ARB2A: variants seen among roughly 807,000 people sequenced by gnomAD.
ARB2A encodes ARB2 cotranscriptional regulator A, also known as cotranscriptional regulator ARB2A.
At chr5:94,025,198 G>A in the ARB2A span, among the ~76,000 whole-genome samples, 1 of 152,178 alleles carries the variant, frequency 6.6e-6, no homozygotes, top group Non-Finnish European at 1.5e-5. Context: ...CAAAATACCA[G>A]GTACACAGGG....
the ARB2A span, among the ~76,000 whole-genome samples, chr5:94,047,492 C>CAA: frequency 2.1e-4 from 17 of 81,114 alleles, no homozygotes; most frequent in Admixed American, 3.6e-4. Flanking sequence ...GACTCCATCT[C>CAA]AAAAAAAAAA....
At chr5:93,729,444 G>A in the ARB2A span, among the ~76,000 whole-genome samples, 4 of 152,196 alleles carry the variant, frequency 2.6e-5, no homozygotes, top group South Asian at 2.1e-4. Context: ...AGAGCCTGGC[G>A]GAAAATCAGG....
At chr5:93,795,848 C>CA in the ARB2A span, among the ~76,000 whole-genome samples, 4,497 of 96,882 alleles carry the variant, frequency 0.046, 134 homozygotes, top group East Asian at 0.19. Flanking sequence ...TATTGAAAAG[C>CA]AAAAAAAAAA....
chr5:94,041,187 G>T, the ARB2A span, among the ~76,000 whole-genome samples: 2 of 151,450 alleles, frequency 1.3e-5, no homozygotes, highest in African/African-American at 2.4e-5. Context: ...TGGGAAAAAG[G>T]ATTCATGAGG....
chr5:93,796,417 C>A, the ARB2A span, among the ~76,000 whole-genome samples: 41 of 152,206 alleles, frequency 2.7e-4, no homozygotes, highest in African/African-American at 9.6e-4. Context: ...TCAATAAAAA[C>A]CATTTAAATG....
At chr5:94,028,425 T>G in the ARB2A span, among the ~76,000 whole-genome samples, 16 of 152,260 alleles carry the variant, frequency 1.1e-4, no homozygotes, top group Admixed American at 1.0e-3. Context: ...TGGAATAAAC[T>G]ATTTAGAGAC....
chr5:93,805,761 G>T, the ARB2A span: 292 of 984,988 alleles, frequency 3.0e-4, no homozygotes, highest in Non-Finnish European at 3.4e-4. Context: ...GTTGCTCATG[G>T]TCACTTGCAT....
the ARB2A span, among the ~76,000 whole-genome samples, chr5:93,999,181 A>G: frequency 4.6e-5 from 7 of 151,628 alleles, no homozygotes; most frequent in African/African-American, 1.5e-4. Flanking sequence ...CTAAAATAAC[A>G]TGGGTGATGT....
chr5:93,824,241 T>C, the ARB2A span: 3 of 1,592,330 alleles, frequency 1.9e-6, no homozygotes, highest in Non-Finnish European at 2.6e-6. Context: ...AAACATAGAT[T>C]GCATGTTCTT....
the ARB2A span, among the ~76,000 whole-genome samples, chr5:93,914,089 GA>G: frequency 6.6e-6 from 1 of 151,822 alleles, no homozygotes; most frequent in Non-Finnish European, 1.5e-5. Context: ...AGTGAACAAA[GA>G]AAGTCACAGT....
At chr5:93,879,658 C>T in the ARB2A span, among the ~76,000 whole-genome samples, 8 of 150,908 alleles carry the variant, frequency 5.3e-5, no homozygotes, top group Non-Finnish European at 1.2e-4. Flanking sequence ...AAAATGCATG[C>T]ATAAAGAGAA....
At chr5:94,083,342 TGTA>T in the ARB2A span, among the ~76,000 whole-genome samples, 1 of 152,176 alleles carries the variant, frequency 6.6e-6, no homozygotes, top group Non-Finnish European at 1.5e-5. Context: ...AATCCTCCTA[TGTA>T]GTAAACCCTA....
the ARB2A span, among the ~76,000 whole-genome samples, chr5:93,867,478 T>A: frequency 6.6e-6 from 1 of 152,246 alleles, no homozygotes; most frequent in Admixed American, 6.5e-5. Context: ...AGTGCAGTGA[T>A]GCGATCTCAG....
the ARB2A span, among the ~76,000 whole-genome samples, chr5:93,894,219 ATACAAT>A: frequency 1.6e-4 from 25 of 152,152 alleles, no homozygotes; most frequent in Non-Finnish European, 3.2e-4. Flanking sequence ...ATCTTTATGA[ATACAAT>A]TACAAACATA....
the ARB2A span, among the ~76,000 whole-genome samples, chr5:93,867,352 A>G: frequency 6.6e-6 from 1 of 152,160 alleles, no homozygotes; most frequent in Admixed American, 6.5e-5. Flanking sequence ...ACCTTATGGG[A>G]GAGAGGGGAT....
chr5:93,981,407 G>A, the ARB2A span, among the ~76,000 whole-genome samples: 9 of 151,938 alleles, frequency 5.9e-5, no homozygotes, highest in African/African-American at 2.2e-4. Flanking sequence ...TCTGCTTGAT[G>A]TAAGTTCCTT....
chr5:93,755,394 G>C, the ARB2A span, among the ~76,000 whole-genome samples: 1 of 152,198 alleles, frequency 6.6e-6, no homozygotes, highest in Non-Finnish European at 1.5e-5. Flanking sequence ...CATGGCTGAC[G>C]GGAGGCAGGA....
At chr5:93,922,601 G>A in the ARB2A span, among the ~76,000 whole-genome samples, 2 of 120,938 alleles carry the variant, frequency 1.7e-5, no homozygotes, top group African/African-American at 6.2e-5. Context: ...GGGGAGGGGA[G>A]GGGAAGGGAG....
chr5:93,824,874 C>T, the ARB2A span, among the ~76,000 whole-genome samples: 1 of 152,216 alleles, frequency 6.6e-6, no homozygotes, highest in Non-Finnish European at 1.5e-5. Flanking sequence ...TCATAATAAA[C>T]AGATGCTATT....
Sources: allele counts gnomAD v4.1 joint callset (sites outside exome capture counted in the v4.1 genomes callset), GRCh38; gene constraint gnomAD v4.1.1; transcripts MANE v1.5; gene names NCBI Gene and HGNC (gene_info 2026-07-23, HGNC 2026-07-21).